Variants in RPS6KC1 observed in about 807,000 individuals in gnomAD.
The protein encoded by RPS6KC1 is ribosomal protein S6 kinase C1.
A neutral mutation model predicts 103.8 loss-of-function variants in RPS6KC1; 54 were observed. The observed-to-expected ratio is 0.52, with a 90% CI of 0.42 to 0.65. The LOEUF is 0.65. RPS6KC1 is among the 30% of genes least tolerant of loss of function. RPS6KC1 has a pLI of 0.00. For synonymous variants in RPS6KC1, 439 were observed against 438.7 expected, an observed-to-expected ratio of 1.00 and a Z score of -0.01; for missense variants, 1,151 against 1,253.8, an observed-to-expected ratio of 0.92 and a Z score of 1.24.
chr1:213,430,560 A>G, the RPS6KC1 span, among the ~76,000 whole-genome samples: 5 of 152,214 alleles, frequency 3.3e-5, no homozygotes. Context: ...ATGATGAGGA[A>G]TTGGTGTTAT....
At chr1:213,306,588 C>G in the RPS6KC1 span, among the ~76,000 whole-genome samples, 152 of 152,282 alleles carry the variant, frequency 1.0e-3, 1 homozygote, top group African/African-American at 3.5e-3. Context: ...TTTCGAGATA[C>G]AAATTGCATC....
At chr1:213,222,523 G>A (rs1297046308) in intron 8 of RPS6KC1, among the ~76,000 whole-genome samples, 1 of 152,124 alleles carries the variant, frequency 6.6e-6, no homozygotes, top group Non-Finnish European at 1.5e-5. Flanking sequence ...GAAGCTGTAG[G>A]TGCAACATCT....
At chr1:213,079,301 G>A (rs2079642665) in intron 3 of RPS6KC1, among the ~76,000 whole-genome samples, 1 of 151,948 alleles carries the variant, frequency 6.6e-6, no homozygotes, top group South Asian at 2.1e-4. Context: ...TGAATTCCTG[G>A]GAGAAGAATT....
At chr1:213,802,620 T>C in the RPS6KC1 span, among the ~76,000 whole-genome samples, 9 of 152,270 alleles carry the variant, frequency 5.9e-5, no homozygotes, top group Admixed American at 3.3e-4. Context: ...TGTAAATCTT[T>C]ATAGCAATAA....
chr1:213,511,787 A>T, the RPS6KC1 span, among the ~76,000 whole-genome samples: 1 of 152,020 alleles, frequency 6.6e-6, no homozygotes, highest in Non-Finnish European at 1.5e-5. Flanking sequence ...GTGTCCCTTC[A>T]CTATTGTCCC....
In RPS6KC1 at chr1:213,164,112, T is replaced by C. The variant is rs576035789; in HGVS notation, c.836-3746T>C. On this transcript the variant is annotated intron_variant, in intron 6 of 14. Transcript: ENST00000366960. ...GGTTCAGGCTCTTATAGTAACTGTG[T>C]AACTGAGAAAGACATTTCACATTCC... Among the ~76,000 whole-genome samples the C allele has an allele frequency of 2.0e-5, 3 of 152,360 alleles. No individual in the cohort carries two copies. In the South Asian group the frequency reaches 6.2e-4, roughly 32 times the overall value.
the RPS6KC1 span, among the ~76,000 whole-genome samples, chr1:213,390,621 G>C: frequency 2.0e-5 from 3 of 152,346 alleles, no homozygotes; most frequent in East Asian, 3.9e-4. Context: ...ACACCAGAGA[G>C]AGTGTGTGTC....
At chr1:213,370,839 G>T in the RPS6KC1 span, among the ~76,000 whole-genome samples, 2 of 152,122 alleles carry the variant, frequency 1.3e-5, no homozygotes, top group African/African-American at 4.8e-5. Flanking sequence ...TTTGGGGTGG[G>T]GGACAGGGCA....
intron 12 of RPS6KC1, among the ~76,000 whole-genome samples, chr1:213,257,495 G>T (rs1338979617): frequency 6.6e-6 from 1 of 151,958 alleles, no homozygotes; most frequent in African/African-American, 2.4e-5. Flanking sequence ...CTTCTTCCTG[G>T]GCACATAAAT....
At chr1:213,090,435 A>G (rs1484171029) in intron 3 of RPS6KC1, among the ~76,000 whole-genome samples, 1 of 152,226 alleles carries the variant, frequency 6.6e-6, no homozygotes, top group Admixed American at 6.5e-5. Flanking sequence ...AAATAAAAGT[A>G]TGAGTTAAGA....
chr1:213,477,265 A>C, the RPS6KC1 span, among the ~76,000 whole-genome samples: 1 of 152,214 alleles, frequency 6.6e-6, no homozygotes, highest in Non-Finnish European at 1.5e-5. Flanking sequence ...ATATTTGAAA[A>C]GCATAAGTAT....
chr1:213,661,900 G>A, the RPS6KC1 span, among the ~76,000 whole-genome samples: 1 of 152,176 alleles, frequency 6.6e-6, no homozygotes, highest in Non-Finnish European at 1.5e-5. Context: ...GAGATTGAAT[G>A]AATGAGATAT....
At chr1:213,460,676 A>T in the RPS6KC1 span, among the ~76,000 whole-genome samples, 1 of 152,090 alleles carries the variant, frequency 6.6e-6, no homozygotes, top group Non-Finnish European at 1.5e-5. Flanking sequence ...CAGTTTCTTC[A>T]TAGTGTCAAT....
the RPS6KC1 span, among the ~76,000 whole-genome samples, chr1:213,822,848 A>C: frequency 6.6e-6 from 1 of 152,114 alleles, no homozygotes; most frequent in Non-Finnish European, 1.5e-5. Flanking sequence ...GATTAGTGTA[A>C]TGACATCCTA....
chr1:213,216,614 C>G (rs1297905220), intron 8 of RPS6KC1, among the ~76,000 whole-genome samples: 10 of 151,534 alleles, frequency 6.6e-5, no homozygotes, highest in East Asian at 5.8e-4. Context: ...TGACCACATA[C>G]TTGGAAGTAA....
the RPS6KC1 span, among the ~76,000 whole-genome samples, chr1:213,363,703 C>CT: frequency 6.9e-4 from 12 of 17,362 alleles, no homozygotes; most frequent in South Asian, 1.4e-3. Flanking sequence ...TCTTTCTTTC[C>CT]TTCTTTCTTT....
the RPS6KC1 span, among the ~76,000 whole-genome samples, chr1:213,573,724 C>T: frequency 1.9e-4 from 29 of 152,298 alleles, no homozygotes; most frequent in Admixed American, 8.5e-4. Context: ...TGTTGCTAGA[C>T]GGTGGTGCCC....
the RPS6KC1 span, among the ~76,000 whole-genome samples, chr1:213,489,483 C>T: frequency 2.0e-5 from 3 of 152,158 alleles, no homozygotes; most frequent in Non-Finnish European, 4.4e-5. Flanking sequence ...TGGGCCTTTT[C>T]ATTCAATAAG....
At chr1:213,367,993 C>G in the RPS6KC1 span, among the ~76,000 whole-genome samples, 1 of 152,190 alleles carries the variant, frequency 6.6e-6, no homozygotes, top group East Asian at 1.9e-4. Flanking sequence ...GTCTCTTAAT[C>G]TGTGAGAGGC....
Sources: gnomAD v4.1 joint callset for allele counts (sites outside exome capture counted in the v4.1 genomes callset) on GRCh38, gnomAD v4.1.1 for gene constraint, MANE v1.5 for transcripts, NCBI Gene and HGNC (gene_info 2026-07-23, HGNC 2026-07-21) for gene names.